Variants in ANKRD44 observed in about 807,000 individuals in gnomAD.
ANKRD44 encodes ankyrin repeat domain 44.
ANKRD44 carries 35 observed loss-of-function variants against 116.0 expected under a neutral mutation model. The observed-to-expected ratio is 0.30, with a 90% CI of 0.23 to 0.40. ANKRD44 has a LOEUF of 0.40. Among genes scored for constraint, ANKRD44 ranks in the 10% least tolerant of loss-of-function variants. ANKRD44 has a pLI of 1.00. For synonymous variants in ANKRD44, 435 were observed against 461.8 expected (o/e 0.94, Z 0.74); for missense variants, 1,014 against 1,242.6 (o/e 0.82, Z 2.77).
chr2:197,116,462 C>T (rs1022945007), intron 8 of ANKRD44, among the ~76,000 whole-genome samples: 61 of 152,224 alleles, frequency 4.0e-4, no homozygotes, highest in African/African-American at 1.2e-3. Context: ...CTCAACACCA[C>T]GCTCTGCGAC....
At chr2:197,177,080 T>G (rs763951858) in intron 2 of ANKRD44, among the ~76,000 whole-genome samples, 15 of 152,202 alleles carry the variant, frequency 9.9e-5, no homozygotes, top group Non-Finnish European at 1.6e-4. Flanking sequence ...CTTTATATCC[T>G]TTTCATTTAA....
At chr2:197,062,778 C>A (rs1022729076) in intron 16 of ANKRD44, among the ~76,000 whole-genome samples, 1 of 152,234 alleles carries the variant, frequency 6.6e-6, no homozygotes, top group Admixed American at 6.5e-5. Flanking sequence ...GGGAGGGGCG[C>A]CTGCCATTAC....
chr2:197,265,681 A>G (rs1029011900), intron 1 of ANKRD44, among the ~76,000 whole-genome samples: 6 of 152,168 alleles, frequency 3.9e-5, no homozygotes, highest in Admixed American at 3.9e-4. Flanking sequence ...TCTCATATGC[A>G]GAGATCATTA....
intron 16 of ANKRD44, among the ~76,000 whole-genome samples, chr2:197,055,550 C>T (rs77637055): frequency 0.04 from 6,135 of 152,268 alleles, 161 homozygotes; most frequent in Middle Eastern, 0.082. Context: ...CTTACGCTTA[C>T]TTCTAAAAAC....
At chr2:197,108,762 C>T (rs531977233) in intron 9 of ANKRD44, among the ~76,000 whole-genome samples, 14 of 152,150 alleles carry the variant, frequency 9.2e-5, no homozygotes, top group African/African-American at 2.9e-4. Flanking sequence ...CGCTTGAACC[C>T]GAGAGGCAGA....
chr2:197,068,498 A>G (rs987302038), intron 16 of ANKRD44, among the ~76,000 whole-genome samples: 1 of 151,878 alleles, frequency 6.6e-6, no homozygotes, highest in Non-Finnish European at 1.5e-5. Flanking sequence ...CTGCACAGCA[A>G]AAGAAACTAC....
At chr2:197,278,952 T>C (rs1377637253) in intron 1 of ANKRD44, among the ~76,000 whole-genome samples, 1 of 152,188 alleles carries the variant, frequency 6.6e-6, no homozygotes, top group Non-Finnish European at 1.5e-5. Flanking sequence ...TCATTTGCAT[T>C]TTGTGCAGTC....
At chr2:197,053,912 T>C (rs954837873) in intron 16 of ANKRD44, among the ~76,000 whole-genome samples, 1 of 152,252 alleles carries the variant, frequency 6.6e-6, no homozygotes, top group Admixed American at 6.5e-5. Flanking sequence ...TGCATGTTGC[T>C]AATGGGTAAC....
intron 21 of ANKRD44, among the ~76,000 whole-genome samples, chr2:197,003,308 T>G (rs1236421485): frequency 6.6e-6 from 1 of 150,946 alleles, no homozygotes. Context: ...CATACACCCC[T>G]AGAAAAAAAA....
intron 13 of ANKRD44, among the ~76,000 whole-genome samples, chr2:197,084,072 C>A (rs1314195692): frequency 6.6e-6 from 1 of 152,104 alleles, no homozygotes; most frequent in Non-Finnish European, 1.5e-5. Flanking sequence ...AGGTGCAATA[C>A]CCACATATAA....
At chr2:197,102,051 A>C (rs2078305758) in intron 9 of ANKRD44, among the ~76,000 whole-genome samples, 1 of 138,136 alleles carries the variant, frequency 7.2e-6, no homozygotes, top group South Asian at 2.3e-4. Context: ...TTCGCTTTGC[A>C]AAAAAAAACA....
At chr2:197,106,831 A>G (rs1043921271) in intron 9 of ANKRD44, among the ~76,000 whole-genome samples, 4 of 149,798 alleles carry the variant, frequency 2.7e-5, no homozygotes, top group Non-Finnish European at 5.9e-5. Flanking sequence ...TCAGGAAAAC[A>G]TAACTTAGTG....
At chr2:197,247,490 G>A (rs1356005596) in intron 1 of ANKRD44, among the ~76,000 whole-genome samples, 1 of 152,192 alleles carries the variant, frequency 6.6e-6, no homozygotes, top group Non-Finnish European at 1.5e-5. Flanking sequence ...TACTTAGAGA[G>A]CAAAACCAAT....
intron 6 of ANKRD44, among the ~76,000 whole-genome samples, chr2:197,124,153 A>G (rs1449942394): frequency 6.6e-6 from 1 of 151,982 alleles, no homozygotes; most frequent in Non-Finnish European, 1.5e-5. Context: ...CAACTCAAAA[A>G]TCCATGTCAA....
Position 197,299,235 on chromosome 2 carries a change from T to C in ANKRD44, c.27+11343A>G, listed in dbSNP as rs1211162959. ...TTAAATAAATGAGGTCTGTTTTTTCTGTAGGCATCCCATAGTCTGGATTTT... is the reference window on the plus strand; with the variant it reads ...TTAAATAAATGAGGTCTGTTTTTTCCGTAGGCATCCCATAGTCTGGATTTT... On this transcript the variant is annotated intron_variant, in intron 1 of 27. Coordinates refer to ENST00000282272, the MANE Select transcript of ANKRD44 (RefSeq NM_001195144.2). 2.0e-5 allele frequency among the ~76,000 whole-genome samples: 3 copies of C among 152,300 alleles called. No individual in the cohort carries two copies. The East Asian group carries it at 5.8e-4, about 29-fold the overall frequency.
intron 2 of ANKRD44, among the ~76,000 whole-genome samples, chr2:197,166,059 AC>A (rs1021488566): frequency 2.6e-5 from 4 of 152,120 alleles, no homozygotes; most frequent in Non-Finnish European, 5.9e-5. Flanking sequence ...TAAAAGTTGA[AC>A]CCTAAATCTG....
At chr2:197,257,033 CA>C (rs529122419) in intron 1 of ANKRD44, among the ~76,000 whole-genome samples, 4 of 148,432 alleles carry the variant, frequency 2.7e-5, no homozygotes, top group African/African-American at 4.9e-5. Flanking sequence ...AGCTCATCTT[CA>C]AAAAAAAAAT....
At chr2:196,979,553 A>ATTTTTTTTTTTT (rs1202023600) in intron 21 of ANKRD44, among the ~76,000 whole-genome samples, 2 of 90,066 alleles carry the variant, frequency 2.2e-5, no homozygotes, top group South Asian at 3.7e-4. Flanking sequence ...TAATAAGATG[A>ATTTTTTTTTTTT]CTTTTTTTTT....
chr2:197,055,032 C>T (rs2077177669), intron 16 of ANKRD44, among the ~76,000 whole-genome samples: 1 of 152,170 alleles, frequency 6.6e-6, no homozygotes, highest in African/African-American at 2.4e-5. Context: ...GCCCTTTGCT[C>T]TCCCTGAGCT....
Sources: gnomAD v4.1 joint callset for allele counts (sites outside exome capture counted in the v4.1 genomes callset) on GRCh38, gnomAD v4.1.1 for gene constraint, MANE v1.5 for transcripts, NCBI Gene and HGNC (gene_info 2026-07-23, HGNC 2026-07-21) for gene names.